Variants in IL1RAPL1 observed in about 807,000 individuals in gnomAD.
IL1RAPL1 encodes interleukin-1 receptor accessory protein-like 1.
Under a neutral mutation model 48.4 loss-of-function variants are expected in IL1RAPL1, and 3 were observed. The ratio of observed to expected loss-of-function variants is 0.06; its 90% CI spans 0.03 to 0.16. IL1RAPL1 has a LOEUF of 0.16. Among genes scored for constraint, IL1RAPL1 ranks in the 10% least tolerant of loss-of-function variants. IL1RAPL1 has a pLI of 1.00. For missense variants in IL1RAPL1, 349 were observed against 530.6 expected, an observed-to-expected ratio of 0.66 and a Z score of 3.36; for synonymous variants, 185 against 187.7, an observed-to-expected ratio of 0.99 and a Z score of 0.12.
intron 3 of IL1RAPL1, among the ~76,000 whole-genome samples, chrX:29,363,777 G>T (rs184537327): frequency 1.8e-5 from 2 of 111,131 alleles, no homozygotes; most frequent in East Asian, 5.7e-4. Context: ...ACCAGATCTC[G>T]TGAGAACTCT....
chrX:29,508,537 C>T (rs929622068), intron 5 of IL1RAPL1, among the ~76,000 whole-genome samples: 16 of 110,766 alleles, frequency 1.4e-4, no homozygotes, highest in African/African-American at 4.9e-4. Context: ...CTCCTAATAC[C>T]CAAAGAAAAA....
chrX:28,964,695 A>AT (rs1001768105), intron 2 of IL1RAPL1, among the ~76,000 whole-genome samples: 1 of 111,082 alleles, frequency 9.0e-6, no homozygotes, highest in Non-Finnish European at 1.9e-5. Flanking sequence ...TAATTTTTCC[A>AT]TTTTATTTTT....
chrX:29,101,709 G>C (rs1358711688), intron 2 of IL1RAPL1, among the ~76,000 whole-genome samples: 1 of 111,727 alleles, frequency 9.0e-6, no homozygotes, highest in African/African-American at 3.3e-5. Flanking sequence ...GCCGAGACGG[G>C]AGGATCACTT....
In IL1RAPL1 at chrX:29,046,991, AGAACTTCTGGATGGAAGG is replaced by A. The variant is rs770719907; in HGVS notation, c.83-235946_83-235929del. 2.7e-4 allele frequency among the ~76,000 whole-genome samples: 30 copies of A among 112,405 alleles called. No individual in the cohort carries two copies. In the South Asian group the frequency reaches 0.011, roughly 42 times the overall value. On this transcript the variant is annotated intron_variant, in intron 2 of 10. Coordinates refer to ENST00000378993, the MANE Select transcript of IL1RAPL1 (RefSeq NM_014271.4). ...TACCAAAGGATGTATCCAAGAACCC[AGAACTTCTGGATGGAAGG>A]TTCTGGAATTGAATCCTCATGCCCT...
At chrX:29,397,551 G>T (rs772871137) in intron 4 of IL1RAPL1, among the ~76,000 whole-genome samples, 7 of 110,664 alleles carry the variant, frequency 6.3e-5, no homozygotes, top group Middle Eastern at 4.7e-3. Flanking sequence ...TCAAATATTA[G>T]TCCTGCTGGT....
At chrX:29,553,889 G>T (rs7054133) in intron 5 of IL1RAPL1, among the ~76,000 whole-genome samples, 1 of 109,118 alleles carries the variant, frequency 9.2e-6, no homozygotes. Context: ...TAAAAATTAC[G>T]GTTTAAGGAT....
At chrX:29,826,852 C>G (rs1208335427) in intron 6 of IL1RAPL1, among the ~76,000 whole-genome samples, 1 of 111,826 alleles carries the variant, frequency 8.9e-6, no homozygotes, top group Non-Finnish European at 1.9e-5. Flanking sequence ...AACATGTTTT[C>G]AATTCCTTTG....
Position 29,272,474 on chromosome X carries a change from A to G in IL1RAPL1, c.83-10464A>G, listed in dbSNP as rs1187112121. Among the ~76,000 whole-genome samples the G allele has an allele frequency of 9.0e-5, 10 of 111,644 alleles. No individual in the cohort carries two copies. In the Admixed American group the frequency reaches 9.5e-4, roughly 11 times the overall value. On this transcript the variant is annotated intron_variant, in intron 2 of 10. Transcript: ENST00000378993. ...AATTTTTTTTTTAACAATTCTGAATATAGGCCCCCAATCTCTTCTGGCTTG... is the reference window on the plus strand; with the variant it reads ...AATTTTTTTTTTAACAATTCTGAATGTAGGCCCCCAATCTCTTCTGGCTTG...
At chrX:29,406,384 G>T (rs1466080663) in intron 5 of IL1RAPL1, among the ~76,000 whole-genome samples, 3 of 83,890 alleles carry the variant, frequency 3.6e-5, no homozygotes, top group Non-Finnish European at 7.8e-5. Context: ...GCGAGACTCT[G>T]TCTCAAAAAA....
intron 1 of IL1RAPL1, among the ~76,000 whole-genome samples, chrX:28,637,134 A>C (rs2146896574): frequency 9.0e-6 from 1 of 111,391 alleles, no homozygotes; most frequent in East Asian, 2.8e-4. Context: ...AAATTGGGTG[A>C]GATAAAAAAA....
chrX:28,897,548 G>T (rs956549581), intron 2 of IL1RAPL1, among the ~76,000 whole-genome samples: 2 of 112,139 alleles, frequency 1.8e-5, no homozygotes, highest in Non-Finnish European at 3.8e-5. Context: ...AGAATAAAAA[G>T]AGGCCACTTA....
intron 5 of IL1RAPL1, among the ~76,000 whole-genome samples, chrX:29,648,334 C>T (rs762191178): frequency 2.3e-4 from 26 of 112,046 alleles, no homozygotes; most frequent in African/African-American, 8.1e-4. Flanking sequence ...ATGCAGAATA[C>T]AGATCCTTCT....
At chrX:29,413,691 A>G (rs1934177333) in intron 5 of IL1RAPL1, among the ~76,000 whole-genome samples, 1 of 110,159 alleles carries the variant, frequency 9.1e-6, no homozygotes, top group African/African-American at 3.3e-5. Context: ...ATATTAATCT[A>G]TTCCGTCAAA....
chrX:28,598,477 A>G (rs919782148), intron 1 of IL1RAPL1, among the ~76,000 whole-genome samples: 1 of 111,318 alleles, frequency 9.0e-6, no homozygotes, highest in African/African-American at 3.3e-5. Context: ...AAAAAATGCA[A>G]TTTACTTAGG....
At chrX:28,942,585 A>G (rs1924190311) in intron 2 of IL1RAPL1, 1 of 107,352 alleles carries the variant, frequency 9.3e-6, no homozygotes, top group Admixed American at 1.0e-4. Context: ...CAATAAAAAA[A>G]GTTGACCATA....
chrX:29,849,937 G>A (rs1482268039), intron 6 of IL1RAPL1, among the ~76,000 whole-genome samples: 1 of 111,833 alleles, frequency 8.9e-6, no homozygotes, highest in Admixed American at 9.4e-5. Flanking sequence ...TGTCCTCAGA[G>A]TATTACCCAG....
At chrX:29,499,151 T>G (rs1459130441) in intron 5 of IL1RAPL1, among the ~76,000 whole-genome samples, 1 of 112,491 alleles carries the variant, frequency 8.9e-6, no homozygotes. Flanking sequence ...GTGAATATAA[T>G]GCATATCTAT....
At chrX:28,797,216 A>T (rs768993209) in intron 2 of IL1RAPL1, among the ~76,000 whole-genome samples, 1 of 111,203 alleles carries the variant, frequency 9.0e-6, no homozygotes, top group African/African-American at 3.3e-5. Context: ...GGGGACTGCT[A>T]TGAAAACCTC....
chrX:29,333,168 C>G (rs1448204381), intron 3 of IL1RAPL1, among the ~76,000 whole-genome samples: 1 of 107,929 alleles, frequency 9.3e-6, no homozygotes, highest in Non-Finnish European at 2.0e-5. Context: ...GCTGGGCACA[C>G]CTCCCAGACG....
Sources: allele counts gnomAD v4.1 joint callset (sites outside exome capture counted in the v4.1 genomes callset), GRCh38; gene constraint gnomAD v4.1.1; transcripts MANE v1.5; gene names NCBI Gene and HGNC (gene_info 2026-07-23, HGNC 2026-07-21).